Variants in XRRA1 observed in about 807,000 individuals in gnomAD.
The protein encoded by XRRA1 is X-ray radiation resistance associated 1, also known as X-ray radiation resistance-associated protein 1.
A neutral mutation model predicts 80.2 loss-of-function variants in XRRA1; 69 were observed. That is an observed-to-expected ratio of 0.86 (90% CI 0.71 to 1.05). The LOEUF (loss-of-function observed/expected upper bound fraction) is 1.05. Ranked by LOEUF, XRRA1 falls within the 50% of genes least tolerant of loss-of-function variation. The pLI, the probability that XRRA1 is intolerant of heterozygous loss-of-function variation, is 0.00. For missense variants in XRRA1, 967 were observed against 976.4 expected (o/e 0.99, Z 0.13); for synonymous variants, 348 against 389.9 (o/e 0.89, Z 1.27).
intron 4 of XRRA1, among the ~76,000 whole-genome samples, chr11:74,934,186 T>C (rs961581685): frequency 1.3e-5 from 2 of 152,220 alleles, no homozygotes; most frequent in Non-Finnish European, 2.9e-5. Flanking sequence ...TTATGTGCCT[T>C]GCCAAAGGTC....
At chr11:74,932,040 T>G (rs914083652) in intron 5 of XRRA1, among the ~76,000 whole-genome samples, 1 of 152,220 alleles carries the variant, frequency 6.6e-6, no homozygotes, top group African/African-American at 2.4e-5. Context: ...TTCTGTATAC[T>G]AACATATTTA....
At chr11:74,946,754 CTT>C (rs199664037) in intron 1 of XRRA1, among the ~76,000 whole-genome samples, 14 of 141,560 alleles carry the variant, frequency 9.9e-5, no homozygotes, top group Non-Finnish European at 7.8e-5. Context: ...ACCTCTTTTT[CTT>C]TTTTTTTTTT....
chr11:74,904,587 GA>G (rs1591274633), intron 10 of XRRA1, among the ~76,000 whole-genome samples: 1 of 151,582 alleles, frequency 6.6e-6, no homozygotes, highest in Non-Finnish European at 1.5e-5. Flanking sequence ...AGAAAAAAAA[GA>G]AAAAGCATAG....
intron 10 of XRRA1, among the ~76,000 whole-genome samples, chr11:74,868,960 A>C (rs2044124362): frequency 6.6e-6 from 1 of 152,162 alleles, no homozygotes; most frequent in Admixed American, 6.5e-5. Context: ...ACTGACAAAG[A>C]TATTAATGAC....
chr11:74,895,473 A>G (rs2052052249), intron 10 of XRRA1, among the ~76,000 whole-genome samples: 1 of 152,200 alleles, frequency 6.6e-6, no homozygotes, highest in Non-Finnish European at 1.5e-5. Flanking sequence ...GGAGTTCTAG[A>G]TAAACTTGAA....
intron 10 of XRRA1, among the ~76,000 whole-genome samples, chr11:74,880,122 G>A (rs2047149570): frequency 6.6e-6 from 1 of 151,980 alleles, no homozygotes. Flanking sequence ...GTAAGCTATT[G>A]ATTATTGCCA....
chr11:74,843,120 G>C lies in XRRA1; in HGVS notation c.*80C>G, dbSNP rs1024067001. On this transcript the variant is annotated 3_prime_UTR_variant, in exon 19 of 19. Coordinates refer to ENST00000684022, the MANE Select transcript of XRRA1 (RefSeq NM_001378157.1). Reference sequence around the variant, plus strand: ...GGCCTGTGGCCGGCTGGTCAACCTTGAGGTGCGGTCCAGGGCACAGAGCCC... The same window carrying C: ...GGCCTGTGGCCGGCTGGTCAACCTTCAGGTGCGGTCCAGGGCACAGAGCCC... The C allele has an allele frequency of 1.1e-5, 16 of 1,466,568 alleles. No individual in the cohort carries two copies. In the East Asian group the frequency reaches 3.0e-4, roughly 27 times the overall value. The allele number at this position is 1,466,568 out of a possible 1,614,324, so 90.8% of individuals were successfully genotyped here. A position where few individuals can be genotyped will look rare whatever the true frequency, so the allele number is the denominator to read the frequency against.
At chr11:74,927,171 T>C (rs1942437649) in intron 7 of XRRA1, among the ~76,000 whole-genome samples, 1 of 152,160 alleles carries the variant, frequency 6.6e-6, no homozygotes, top group Non-Finnish European at 1.5e-5. Context: ...GTCTTTGGTA[T>C]CAACTATTTG....
intron 2 of XRRA1, among the ~76,000 whole-genome samples, chr11:74,943,329 C>T (rs1347721147): frequency 6.6e-6 from 1 of 152,160 alleles, no homozygotes; most frequent in African/African-American, 2.4e-5. Context: ...AAAAACGATT[C>T]CTCAAAGGCA....
chr11:74,881,544 G>A (rs2047587122), intron 10 of XRRA1, among the ~76,000 whole-genome samples: 1 of 151,390 alleles, frequency 6.6e-6, no homozygotes, highest in South Asian at 2.1e-4. Flanking sequence ...AGTTGATGCA[G>A]TTTCTTCCTA....
chr11:74,916,288 A>G (rs1181139264), intron 8 of XRRA1, among the ~76,000 whole-genome samples: 1 of 152,110 alleles, frequency 6.6e-6, no homozygotes, highest in Non-Finnish European at 1.5e-5. Flanking sequence ...TGGGACTTTC[A>G]TAATACATAG....
At chr11:74,865,076 G>A (rs1240210150) in intron 10 of XRRA1, among the ~76,000 whole-genome samples, 1 of 152,008 alleles carries the variant, frequency 6.6e-6, no homozygotes. Context: ...TCCTATCTGT[G>A]CTGAGACCTG....
rs1467935174 is a variant in XRRA1 at position 74,862,909 on chromosome 11, T to C, written c.1044+72A>G. On this transcript the variant is annotated intron_variant, in intron 11 of 18. Coordinates refer to ENST00000684022, the MANE Select transcript of XRRA1 (RefSeq NM_001378157.1). ...AGAAATGACTCTCATGGCTCCATTA[T>C]TTTATTTGATTTTGTCTATTAAAAT... The C allele has an allele frequency of 3.8e-6, 5 of 1,319,430 alleles. No homozygotes were observed. In the Middle Eastern group the frequency reaches 6.3e-4, roughly 166 times the overall value. 81.7% of individuals were successfully genotyped at this position (1,319,430 alleles called of 1,614,324 possible). A position where few individuals can be genotyped will look rare whatever the true frequency, so the allele number is the denominator to read the frequency against.
intron 10 of XRRA1, among the ~76,000 whole-genome samples, chr11:74,874,389 C>A (rs1220174698): frequency 2.0e-5 from 3 of 152,038 alleles, no homozygotes; most frequent in Non-Finnish European, 4.4e-5. Context: ...GGAGGGTCTT[C>A]AATCTTTTGT....
rs2036933320 is a variant in XRRA1 at position 74,843,388 on chromosome 11, T to C, written c.2215A>G (p.Arg739Gly). Residue 739 changes from arginine to glycine, a missense_variant, in exon 19 of 19, where the codon AGG (arginine) becomes GGG (glycine). Physicochemically the swap from Arg to Gly is moderately radical, Grantham distance 125. Transcript: ENST00000684022. The part of the protein sequence containing the change: ...VNHKQYLEAK[R>G]LLKEFQARYR... Reference sequence around the variant, plus strand: ...CGTGCCTGGAACTCCTTCAACAGCCTCTTGGCCTCCAGGTACTGCTTGTGG... The same window carrying C: ...CGTGCCTGGAACTCCTTCAACAGCCCCTTGGCCTCCAGGTACTGCTTGTGG... 6.2e-7 allele frequency: 1 copy of C among 1,612,456 alleles called. No individual in the cohort carries two copies. Among genetic ancestry groups the C allele is most frequent in the African/African-American group, 1.3e-5 (1 of 74,900 alleles).
Position 74,843,329 on chromosome 11 carries a change from T to C in XRRA1, c.2274A>G (p.Thr758=), listed in dbSNP as rs372121351. The part of the protein sequence containing the change: ...YRQLVSGSLR[T]VFGTTPLPMA... ...TGGGGAGCGGGGTAGTCCCGAACACTGTGCGCAGAGAGCCACTCACCAGCT... is the reference window on the plus strand; with the variant it reads ...TGGGGAGCGGGGTAGTCCCGAACACCGTGCGCAGAGAGCCACTCACCAGCT... Residue 758 remains threonine, a synonymous_variant, in exon 19 of 19, where the codon ACA becomes ACG. Transcript: ENST00000684022. 3.5e-4 allele frequency: 557 copies of C among 1,608,678 alleles called. 6 individuals carry two copies. The highest frequency in any genetic ancestry group is 2.1e-3 in the South Asian group (193 of 89,930).
chr11:74,940,732 T>C lies in XRRA1; in HGVS notation c.94+53A>G, dbSNP rs1946162615. The C allele has an allele frequency of 1.0e-5, 15 of 1,455,092 alleles. 1 individual carries two copies. Among genetic ancestry groups the C allele is most frequent in the Middle Eastern group, 1.7e-4 (1 of 5,808 alleles). 90.1% of individuals were successfully genotyped at this position (1,455,092 alleles called of 1,614,324 possible). On this transcript the variant is annotated intron_variant, in intron 3 of 18. Coordinates refer to ENST00000684022, the MANE Select transcript of XRRA1 (RefSeq NM_001378157.1). ...AAGAACAAGTAGATGTGAGATGGTCTAAAGCACGAGCTAGGTATGAGGAAA... is the reference window on the plus strand; with the variant it reads ...AAGAACAAGTAGATGTGAGATGGTCCAAAGCACGAGCTAGGTATGAGGAAA...
chr11:74,862,908 A>G lies in XRRA1; in HGVS notation c.1044+73T>C. ...TAGAAATGACTCTCATGGCTCCATT[A>G]TTTTATTTGATTTTGTCTATTAAAA... On this transcript the variant is annotated intron_variant, in intron 11 of 18. Transcript: ENST00000684022. 9.2e-6 allele frequency: 12 copies of G among 1,310,574 alleles called. No homozygotes were observed. The South Asian group carries it at 1.6e-4, about 17-fold the overall frequency. 81.2% of individuals were successfully genotyped at this position (1,310,574 alleles called of 1,614,324 possible).
chr11:74,919,661 C>T (rs1299144414), intron 8 of XRRA1: 6 of 551,770 alleles, frequency 1.1e-5, no homozygotes, highest in African/African-American at 3.9e-5. Context: ...CCCGAGAATA[C>T]ACCATCAACA....
Sources: gnomAD v4.1 joint callset for allele counts (sites outside exome capture counted in the v4.1 genomes callset) on GRCh38, gnomAD v4.1.1 for gene constraint, MANE v1.5 for transcripts, NCBI Gene and HGNC (gene_info 2026-07-23, HGNC 2026-07-21) for gene names.